The following ZFAND3 variants were observed in gnomAD, a reference collection of about 807,000 sequenced individuals.
ZFAND3 encodes AN1-type zinc finger protein 3.
Under a neutral mutation model 29.6 loss-of-function variants are expected in ZFAND3, and 10 were observed. The observed-to-expected ratio is 0.34, with a 90% CI of 0.21 to 0.57. The LOEUF is 0.57. ZFAND3 is among the 20% of genes least tolerant of loss of function. The pLI is 0.86. For missense variants in ZFAND3, 230 were observed against 304.5 expected, an observed-to-expected ratio of 0.76 and a Z score of 1.82; for synonymous variants, 128 against 112.6, an observed-to-expected ratio of 1.14 and a Z score of -0.87.
At chr6:37,895,043 T>A (rs1273098457) in intron 1 of ZFAND3, among the ~76,000 whole-genome samples, 1 of 152,166 alleles carries the variant, frequency 6.6e-6, no homozygotes, top group African/African-American at 2.4e-5. Flanking sequence ...AAGGGCTTAT[T>A]ATGTTTCCAA....
intron 4 of ZFAND3, among the ~76,000 whole-genome samples, chr6:38,104,484 C>T (rs1250136778): frequency 6.6e-6 from 1 of 151,920 alleles, no homozygotes; most frequent in East Asian, 1.9e-4. Flanking sequence ...AGTAAAGAAA[C>T]TTTTGTGGAT....
chr6:38,108,388 G>A (rs9470781), intron 4 of ZFAND3, among the ~76,000 whole-genome samples: 5,034 of 152,216 alleles, frequency 0.033, 220 homozygotes, highest in African/African-American at 0.096. Context: ...TAAGCCTTCC[G>A]TAAGCTGGGG....
intron 2 of ZFAND3, among the ~76,000 whole-genome samples, chr6:37,991,901 G>A (rs1762765588): frequency 6.6e-6 from 1 of 152,006 alleles, no homozygotes; most frequent in Non-Finnish European, 1.5e-5. Flanking sequence ...TTAAACTTTT[G>A]TATTTGTTCA....
intron 2 of ZFAND3, among the ~76,000 whole-genome samples, chr6:38,008,707 T>G (rs915697174): frequency 5.9e-5 from 9 of 152,180 alleles, no homozygotes; most frequent in Admixed American, 5.2e-4. Context: ...TTCTTTCTGC[T>G]TTTCCTGTTC....
At chr6:37,929,581 T>C (rs1761553872) in intron 1 of ZFAND3, among the ~76,000 whole-genome samples, 1 of 152,182 alleles carries the variant, frequency 6.6e-6, no homozygotes, top group Admixed American at 6.5e-5. Flanking sequence ...TATTTTTCTG[T>C]ATGAAAAGAG....
intron 2 of ZFAND3, among the ~76,000 whole-genome samples, chr6:37,999,732 A>T (rs1195328315): frequency 6.6e-6 from 1 of 152,236 alleles, no homozygotes; most frequent in Non-Finnish European, 1.5e-5. Context: ...TAAGAGGAAC[A>T]TAAAGAGACA....
chr6:38,061,477 A>G (rs1764238215), intron 2 of ZFAND3, 116 bp from the exon 3 acceptor site: 1 of 1,253,284 alleles, frequency 8.0e-7, no homozygotes, highest in Non-Finnish European at 1.1e-6. Context: ...TTAGTCACCC[A>G]GATCAGTCTT....
At position 38,153,446 on chromosome 6, in the gene ZFAND3, A is replaced by G. The variant is rs1387580709; in HGVS notation, c.*1057A>G. 1.0e-6 allele frequency: 1 copy of G among 985,418 alleles called. No individual in the cohort carries two copies. Among genetic ancestry groups the G allele is most frequent in the Non-Finnish European group, 1.2e-6 (1 of 830,042 alleles). The allele number at this position is 985,418 out of a possible 1,614,324, so 61.0% of individuals were successfully genotyped here. A position where few individuals can be genotyped will look rare whatever the true frequency, so the allele number is the denominator to read the frequency against. ...TTCTATGCAGCCCCATAGTCCAAGG[A>G]CACCCAGTCCACATCTACCATATAG... On this transcript the variant is annotated 3_prime_UTR_variant, in exon 6 of 6. Transcript: ENST00000287218.
intron 5 of ZFAND3, among the ~76,000 whole-genome samples, chr6:38,143,915 C>G (rs1181297629): frequency 1.3e-5 from 2 of 152,060 alleles, no homozygotes; most frequent in Non-Finnish European, 2.9e-5. Context: ...TTTGCCTGTA[C>G]CCTGGCCTGA....
chr6:38,129,544 T>C (rs1483721708), intron 5 of ZFAND3, among the ~76,000 whole-genome samples: 2 of 152,234 alleles, frequency 1.3e-5, no homozygotes, highest in Non-Finnish European at 2.9e-5. Flanking sequence ...TACATGTGGC[T>C]AGCCAATTAT....
intron 1 of ZFAND3, among the ~76,000 whole-genome samples, chr6:37,881,316 C>T (rs544232769): frequency 7.6e-4 from 116 of 152,250 alleles, no homozygotes; most frequent in African/African-American, 2.6e-3. Flanking sequence ...GAACTCCTGG[C>T]CTCCAGTGAT....
intron 3 of ZFAND3, among the ~76,000 whole-genome samples, chr6:38,081,920 T>G (rs778393058): frequency 6.6e-6 from 1 of 152,170 alleles, no homozygotes; most frequent in Non-Finnish European, 1.5e-5. Context: ...AAGCAGTTTA[T>G]TGTTTCTTAA....
chr6:37,963,188 A>G (rs565627794), intron 2 of ZFAND3, among the ~76,000 whole-genome samples: 2 of 152,334 alleles, frequency 1.3e-5, no homozygotes, highest in African/African-American at 4.8e-5. Flanking sequence ...CCAATTCCGG[A>G]CACATGTAGC....
At chr6:38,095,482 C>T (rs1380297274) in intron 4 of ZFAND3, among the ~76,000 whole-genome samples, 1 of 152,000 alleles carries the variant, frequency 6.6e-6, no homozygotes, top group East Asian at 1.9e-4. Flanking sequence ...CTTCCTAACT[C>T]TGTATTTACA....
At chr6:37,963,197 G>A (rs1039464091) in intron 2 of ZFAND3, among the ~76,000 whole-genome samples, 1 of 152,194 alleles carries the variant, frequency 6.6e-6, no homozygotes, top group African/African-American at 2.4e-5. Context: ...GACACATGTA[G>A]CCTATGGAAC....
intron 2 of ZFAND3, among the ~76,000 whole-genome samples, chr6:37,940,927 G>A (rs1215322999): frequency 1.3e-5 from 2 of 152,162 alleles, no homozygotes; most frequent in East Asian, 1.9e-4. Context: ...AGAGAGGAAA[G>A]GCATAGACAA....
intron 3 of ZFAND3, among the ~76,000 whole-genome samples, chr6:38,063,106 A>C (rs982182367): frequency 6.6e-6 from 1 of 152,136 alleles, no homozygotes; most frequent in Non-Finnish European, 1.5e-5. Context: ...CTAAGTTGAA[A>C]TTTAGTATTT....
intron 2 of ZFAND3, among the ~76,000 whole-genome samples, chr6:37,993,306 G>T (rs1249455543): frequency 6.6e-6 from 1 of 151,612 alleles, no homozygotes; most frequent in Non-Finnish European, 1.5e-5. Flanking sequence ...TTTAAAAAAT[G>T]ATTTTATTTT....
intron 2 of ZFAND3, among the ~76,000 whole-genome samples, chr6:38,014,531 G>A (rs185443949): frequency 1.8e-4 from 27 of 152,100 alleles, no homozygotes; most frequent in Non-Finnish European, 2.9e-4. Context: ...TTTGTCATAT[G>A]AGTCAGGCTG....
Sources: allele counts gnomAD v4.1 joint callset (sites outside exome capture counted in the v4.1 genomes callset), GRCh38; gene constraint gnomAD v4.1.1; transcripts MANE v1.5; gene names NCBI Gene and HGNC (gene_info 2026-07-23, HGNC 2026-07-21).